SLC1A3: variants seen among roughly 807,000 people sequenced by gnomAD.
SLC1A3 encodes the protein excitatory amino acid transporter 1.
SLC1A3 carries 21 observed loss-of-function variants against 48.1 expected under a neutral mutation model. That is an observed-to-expected ratio of 0.44 (90% CI 0.31 to 0.63). The LOEUF (loss-of-function observed/expected upper bound fraction) is 0.63, where lower values mean the gene tolerates loss of function less well. Among genes scored for constraint, SLC1A3 ranks in the 20% least tolerant of loss-of-function variants. The probability of loss-of-function intolerance (pLI) is 0.08; values close to 1 mark genes in which losing one functional copy is unlikely to be tolerated. For missense variants in SLC1A3, 546 were observed against 689.0 expected (o/e 0.79, Z 2.32); for synonymous variants, 239 against 251.4 (o/e 0.95, Z 0.47).
At chr5:36,598,969 A>G (rs1296038073) in intron 1 of SLC1A3, among the ~76,000 whole-genome samples, 1 of 152,194 alleles carries the variant, frequency 6.6e-6, no homozygotes, top group Admixed American at 6.5e-5. Flanking sequence ...AATATATCCA[A>G]AATATTACCA....
At chr5:36,611,159 G>GA (rs145550092) in intron 2 of SLC1A3, among the ~76,000 whole-genome samples, 1,715 of 150,804 alleles carry the variant, frequency 0.011, 42 homozygotes, top group African/African-American at 0.04. Flanking sequence ...TGTAGCATAA[G>GA]AAAAAACAAG....
At chr5:36,615,143 T>A (rs1739377677) in intron 2 of SLC1A3, among the ~76,000 whole-genome samples, 2 of 152,186 alleles carry the variant, frequency 1.3e-5, no homozygotes, top group African/African-American at 4.8e-5. Flanking sequence ...TGCAAATGTC[T>A]GGGACGCAGC....
In SLC1A3 at chr5:36,651,394, C is replaced by T. The variant is rs180895743; in HGVS notation, c.320-19635C>T. ...ATCCAGGGTCTTGCTCTTTTCTTAC[C>T]TACTTTTTTTGCACAAAGGTAGCAT... On this transcript the variant is annotated intron_variant, in intron 3 of 9. Transcript: ENST00000265113. 1.5e-4 allele frequency among the ~76,000 whole-genome samples: 23 copies of T among 152,212 alleles called. 1 individual carries two copies. The highest frequency in any genetic ancestry group is 3.4e-4 in the African/African-American group (14 of 41,534).
At chr5:36,645,274 G>A (rs987025455) in intron 3 of SLC1A3, among the ~76,000 whole-genome samples, 5 of 147,538 alleles carry the variant, frequency 3.4e-5, no homozygotes, top group East Asian at 2.0e-4. Context: ...AACACTAATC[G>A]GACCTCAAAA....
At chr5:36,644,409 C>G (rs914096062) in intron 3 of SLC1A3, among the ~76,000 whole-genome samples, 8 of 152,128 alleles carry the variant, frequency 5.3e-5, no homozygotes, top group African/African-American at 1.9e-4. Flanking sequence ...AGATGGTAAA[C>G]TCATCAGTTA....
At chr5:36,610,765 A>G (rs1739160113) in intron 2 of SLC1A3, among the ~76,000 whole-genome samples, 1 of 152,262 alleles carries the variant, frequency 6.6e-6, no homozygotes, top group South Asian at 2.1e-4. Context: ...GGCTTTCCTA[A>G]GATTTGTGAG....
chr5:36,623,014 C>CAAAAA (rs1158762437), intron 2 of SLC1A3, among the ~76,000 whole-genome samples: 5 of 51,914 alleles, frequency 9.6e-5, no homozygotes, highest in Non-Finnish European at 8.4e-5. Context: ...TCCATCATCT[C>CAAAAA]AAAAAAAAAA....
chr5:36,681,618 G>A (rs373714363), intron 8 of SLC1A3, among the ~76,000 whole-genome samples: 36 of 152,196 alleles, frequency 2.4e-4, no homozygotes, highest in African/African-American at 8.2e-4. Context: ...GTTTCCTTCT[G>A]CAGAGGCAAC....
intron 6 of SLC1A3, 29 bp from the exon 7 acceptor site, chr5:36,679,598 C>A: frequency 6.6e-7 from 1 of 1,507,848 alleles, no homozygotes; most frequent in Non-Finnish European, 9.2e-7. Context: ...AAACCAGACT[C>A]CAACCGTGCT....
At chr5:36,598,948 T>TA (rs1476886993) in intron 1 of SLC1A3, among the ~76,000 whole-genome samples, 2 of 152,162 alleles carry the variant, frequency 1.3e-5, no homozygotes, top group African/African-American at 4.8e-5. Context: ...TCAATATATA[T>TA]TATTTAACTC....
chr5:36,652,009 T>G (rs1035277365), intron 3 of SLC1A3, among the ~76,000 whole-genome samples: 1 of 152,158 alleles, frequency 6.6e-6, no homozygotes, highest in Non-Finnish European at 1.5e-5. Flanking sequence ...CAGGGAAATA[T>G]TGCACCCTAC....
intron 3 of SLC1A3, 70 bp from the exon 4 acceptor site, chr5:36,670,959 G>A: frequency 1.5e-6 from 2 of 1,332,074 alleles, no homozygotes; most frequent in Non-Finnish European, 2.2e-6. Flanking sequence ...AGGAAATGCT[G>A]TTCCCATTGT....
chr5:36,625,679 T>A (rs2111738917), intron 2 of SLC1A3, among the ~76,000 whole-genome samples: 1 of 152,310 alleles, frequency 6.6e-6, no homozygotes, highest in Non-Finnish European at 1.5e-5. Flanking sequence ...AAAATGTGTC[T>A]GAATCTACTA....
chr5:36,629,489 G>A lies in SLC1A3; in HGVS notation c.221G>A (p.Ser74Asn), dbSNP rs144582794. The change falls in exon 3 of 10, where the codon AGC becomes AAC. Residue 74 changes from serine to asparagine, a missense_variant. By Grantham distance (46) the Ser-to-Asn change is conservative. This residue lies in a region of SLC1A3 where 348 missense variants were observed against 392.0 expected (regional missense o/e 0.89). Transcript: ENST00000265113. ...TTTACCCTCCGACCATACAGAATGA[G>A]CTACCGGGAAGTCAAGTACTTCTCC... ...LGFTLRPYRM[S>N]YREVKYFSFP... 93 of 1,610,080 alleles carry A rather than the reference G, an allele frequency of 5.8e-5. No individual in the cohort carries two copies. In the African/African-American group the frequency reaches 1.2e-3, roughly 20 times the overall value.
chr5:36,686,307 T>TA lies in SLC1A3; in HGVS notation c.*43dup. The TA allele has an allele frequency of 6.9e-7, 1 of 1,452,404 alleles. No homozygotes were observed. Among genetic ancestry groups the TA allele is most frequent in the East Asian group, 2.3e-5 (1 of 44,130 alleles). The allele number at this position is 1,452,404 out of a possible 1,614,324, so 90.0% of individuals were successfully genotyped here. ...AAACACTTTCTTGAGCACCAGGTGT[T>TA]AAAAACCATTATAAAATCTTTCCAT... On this transcript the variant is annotated 3_prime_UTR_variant, in exon 10 of 10. Transcript: ENST00000265113.
chr5:36,616,434 G>A (rs1174267576), intron 2 of SLC1A3, among the ~76,000 whole-genome samples: 1 of 152,136 alleles, frequency 6.6e-6, no homozygotes, highest in East Asian at 1.9e-4. Flanking sequence ...AAGATTGGCA[G>A]GTAAATTTAG....
At chr5:36,651,711 C>G (rs1741083727) in intron 3 of SLC1A3, among the ~76,000 whole-genome samples, 1 of 152,044 alleles carries the variant, frequency 6.6e-6, no homozygotes, top group Admixed American at 6.6e-5. Flanking sequence ...TGCCAGTCTC[C>G]ACCTCCTCCA....
chr5:36,629,701 A>T, intron 3 of SLC1A3, 114 bp downstream of exon 3: 1 of 770,282 alleles, frequency 1.3e-6, no homozygotes, highest in Non-Finnish European at 2.2e-6. Flanking sequence ...CTGTTCTAGA[A>T]AAAAAAAAAA....
intron 3 of SLC1A3, among the ~76,000 whole-genome samples, chr5:36,638,568 A>G (rs989056566): frequency 1.3e-5 from 2 of 152,144 alleles, no homozygotes; most frequent in African/African-American, 4.8e-5. Flanking sequence ...TCATGCTCCA[A>G]ACTAAACTGG....
Sources: gnomAD v4.1 joint callset for allele counts (sites outside exome capture counted in the v4.1 genomes callset) on GRCh38, gnomAD v4.1.1 for gene constraint, gnomAD v4.1.1 regional missense constraint, MANE v1.5 for transcripts, NCBI Gene and HGNC (gene_info 2026-07-23, HGNC 2026-07-21) for gene names.